The following TBC1D12 variants were observed in gnomAD, a reference collection of about 807,000 sequenced individuals.
TBC1D12 encodes TBC1 domain family, member 12.
In TBC1D12, 56 loss-of-function variants were observed where a neutral mutation model predicts 86.7. That is an observed-to-expected ratio of 0.65 (90% confidence interval 0.52 to 0.81). The LOEUF is 0.81. Among genes scored for constraint, TBC1D12 ranks in the 30% least tolerant of loss-of-function variants. TBC1D12 has a pLI of 0.00. For missense variants in TBC1D12, 1,023 were observed against 1,038.8 expected (o/e 0.98, Z 0.21); for synonymous variants, 421 against 411.7 (o/e 1.02, Z -0.27).
At chr10:94,512,060 C>G (rs1013769730) in intron 9 of TBC1D12, among the ~76,000 whole-genome samples, 5 of 152,168 alleles carry the variant, frequency 3.3e-5, no homozygotes, top group South Asian at 2.1e-4. Context: ...TACAGACTTT[C>G]ACCCAATCCT....
intron 6 of TBC1D12, 55 bp from the exon 7 acceptor site, chr10:94,507,212 C>T: frequency 1.3e-6 from 2 of 1,543,878 alleles, no homozygotes; most frequent in Non-Finnish European, 1.8e-6. Context: ...TTAAAATTTG[C>T]AAATATATTT....
intron 1 of TBC1D12, among the ~76,000 whole-genome samples, chr10:94,433,382 G>C (rs1317408392): frequency 6.6e-6 from 1 of 152,128 alleles, no homozygotes; most frequent in Admixed American, 6.5e-5. Flanking sequence ...GCCTTCCAAA[G>C]TGCTGGGATT....
intron 9 of TBC1D12, among the ~76,000 whole-genome samples, chr10:94,514,493 C>T (rs993155642): frequency 2.6e-5 from 4 of 152,188 alleles, no homozygotes; most frequent in African/African-American, 9.7e-5. Flanking sequence ...TTTTAGATTA[C>T]ACATTTAAGT....
rs1284602826 is a variant in TBC1D12, at chr10:94,403,102, G to GCGC, written c.500_502dup (p.Arg167dup). The GCGC allele has an allele frequency of 1.3e-5, 18 of 1,397,398 alleles. No individual in the cohort carries two copies. The highest frequency in any genetic ancestry group is 1.5e-5 in the African/African-American group (1 of 65,644). The allele number at this position is 1,397,398 out of a possible 1,614,324, so 86.6% of individuals were successfully genotyped here. A position where few individuals can be genotyped will look rare whatever the true frequency, so the allele number is the denominator to read the frequency against. On this transcript the variant is annotated inframe_insertion, in exon 1 of 13. Transcript: ENST00000225235. ...TGGCGCGCGCCGGCGGCCGGGAGTC[G>GCGC]CGCCGCCGCCGCCCCTACGGCCGCC...
chr10:94,531,121 TC>T (rs1460676342), intron 11 of TBC1D12, 80 bp from the exon 12 acceptor site: 2 of 1,479,700 alleles, frequency 1.4e-6, no homozygotes, highest in Non-Finnish European at 1.8e-6. Flanking sequence ...TAAACACTGT[TC>T]TTTTTTTATA....
At chr10:94,467,502 G>A (rs898153952) in intron 2 of TBC1D12, among the ~76,000 whole-genome samples, 5 of 152,186 alleles carry the variant, frequency 3.3e-5, no homozygotes, top group Admixed American at 3.3e-4. Context: ...AAAGTGCTGG[G>A]ATTACAGGCA....
intron 2 of TBC1D12, among the ~76,000 whole-genome samples, chr10:94,445,599 C>T (rs2055450479): frequency 6.6e-6 from 1 of 152,068 alleles, no homozygotes; most frequent in Admixed American, 6.6e-5. Context: ...TGTTTGTTCT[C>T]TGGGAGGCAT....
chr10:94,459,714 G>C (rs2055694477), intron 2 of TBC1D12, among the ~76,000 whole-genome samples: 1 of 152,186 alleles, frequency 6.6e-6, no homozygotes, highest in South Asian at 2.1e-4. Flanking sequence ...GGGGGACCCG[G>C]CACACCCTCT....
chr10:94,433,190 A>G (rs370665202), intron 1 of TBC1D12, among the ~76,000 whole-genome samples: 74 of 152,058 alleles, frequency 4.9e-4, no homozygotes, highest in African/African-American at 1.7e-3. Flanking sequence ...AGAGAGCAAG[A>G]CTTCGTCTCG....
chr10:94,474,626 T>C (rs1406173490), intron 2 of TBC1D12, 42 bp from the exon 3 acceptor site: 1 of 1,418,406 alleles, frequency 7.1e-7, no homozygotes, highest in Admixed American at 1.7e-5. Context: ...ACAAACTATG[T>C]TGGAGCAGTT....
rs192750796 is a variant in TBC1D12, at chr10:94,478,495, G to C, written c.1211+3712G>C. 9.2e-5 allele frequency among the ~76,000 whole-genome samples: 14 copies of C among 152,182 alleles called. No homozygotes were observed. In the East Asian group the frequency reaches 2.5e-3, roughly 27 times the overall value. The stretch of plus-strand genomic sequence containing the variant: ...AGGCAGAGGCAGGGGCAGACCATGA[G>C]GTCAAAAGATTGAGACCATCCTGGC... On this transcript the variant is annotated intron_variant, in intron 3 of 12. Coordinates refer to ENST00000225235, the MANE Select transcript of TBC1D12 (RefSeq NM_015188.2).
intron 2 of TBC1D12, among the ~76,000 whole-genome samples, chr10:94,461,744 T>C (rs1373027282): frequency 6.6e-6 from 1 of 152,236 alleles, no homozygotes; most frequent in South Asian, 2.1e-4. Context: ...TTTCAGCTTC[T>C]GGGTTTCTGC....
At chr10:94,426,854 G>A (rs2055153776) in intron 1 of TBC1D12, among the ~76,000 whole-genome samples, 1 of 152,094 alleles carries the variant, frequency 6.6e-6, no homozygotes, top group East Asian at 1.9e-4. Context: ...GGGATTACAG[G>A]TGTGAGCCAC....
intron 1 of TBC1D12, among the ~76,000 whole-genome samples, chr10:94,436,794 C>CT (rs879687862): frequency 0.013 from 1,797 of 142,572 alleles, 31 homozygotes; most frequent in East Asian, 0.069. Flanking sequence ...AGAAAAAAAT[C>CT]TTTTTTTTTT....
rs1297529393 is a variant in TBC1D12 at position 94,403,274 on chromosome 10, G to A, written c.661G>A (p.Asp221Asn). ...EPEGAGSDSG[D>N]SPASSCSSSE... Reference sequence around the variant, plus strand: ...CGAGGGCGCGGGCAGCGACTCGGGGGACAGCCCCGCCAGCAGCTGCAGCAG... The same window carrying A: ...CGAGGGCGCGGGCAGCGACTCGGGGAACAGCCCCGCCAGCAGCTGCAGCAG... Residue 221 changes from aspartate (D) to asparagine (N), a missense_variant, in exon 1 of 13, where the codon GAC becomes AAC. Coordinates refer to ENST00000225235, the MANE Select transcript of TBC1D12 (RefSeq NM_015188.2). 1.3e-6 allele frequency: 2 copies of A among 1,501,532 alleles called. No individual in the cohort carries two copies. The highest frequency in any genetic ancestry group is 2.6e-5 in the South Asian group (2 of 78,008). 93.0% of individuals were successfully genotyped at this position (1,501,532 alleles called of 1,614,324 possible).
rs188026096 is a variant in TBC1D12 at position 94,420,789 on chromosome 10, C to T, written c.971+17205C>T. Among the ~76,000 whole-genome samples, 5 of 152,198 alleles carry T rather than the reference C, an allele frequency of 3.3e-5. No homozygotes were observed. The East Asian group carries it at 9.7e-4, about 29-fold the overall frequency. On this transcript the variant is annotated intron_variant, in intron 1 of 12. Transcript: ENST00000225235. ...TGGTGGACATTTGGGTGGTTTCCGTCTTTTGGTTGTTATGGATAGTGCTGC... is the reference window on the plus strand; with the variant it reads ...TGGTGGACATTTGGGTGGTTTCCGTTTTTTGGTTGTTATGGATAGTGCTGC...
At chr10:94,416,011 T>C (rs1315436974) in intron 1 of TBC1D12, among the ~76,000 whole-genome samples, 1 of 152,188 alleles carries the variant, frequency 6.6e-6, no homozygotes, top group Non-Finnish European at 1.5e-5. Context: ...TAGCCACTTA[T>C]TTTAATGAGT....
chr10:94,524,671 G>A (rs1475583609), intron 11 of TBC1D12, among the ~76,000 whole-genome samples: 2 of 150,716 alleles, frequency 1.3e-5, no homozygotes, highest in Non-Finnish European at 3.0e-5. Flanking sequence ...CCAGGGAGTT[G>A]GAGGTTGCAG....
intron 7 of TBC1D12, 54 bp downstream of exon 7, chr10:94,507,401 C>A: frequency 7.0e-7 from 1 of 1,429,460 alleles, no homozygotes; most frequent in Non-Finnish European, 9.7e-7. Flanking sequence ...AGATACTGAG[C>A]ATGTATCAGA....
Sources: gnomAD v4.1 joint callset for allele counts (sites outside exome capture counted in the v4.1 genomes callset) on GRCh38, gnomAD v4.1.1 for gene constraint, MANE v1.5 for transcripts, NCBI Gene and HGNC (gene_info 2026-07-23, HGNC 2026-07-21) for gene names.